KIF13A: variants seen among roughly 807,000 people sequenced by gnomAD.
KIF13A encodes the protein kinesin-like protein KIF13A.
Under a neutral mutation model 212.2 loss-of-function variants are expected in KIF13A, and 79 were observed. The ratio of observed to expected loss-of-function variants is 0.37; its 90% CI spans 0.31 to 0.45. The LOEUF (loss-of-function observed/expected upper bound fraction) is 0.45, where lower values mean the gene tolerates loss of function less well. Among genes scored for constraint, KIF13A ranks in the 20% least tolerant of loss-of-function variants. KIF13A has a pLI of 1.00. For synonymous variants in KIF13A, 789 were observed against 808.6 expected, an observed-to-expected ratio of 0.98 and a Z score of 0.41; for missense variants, 1,901 against 2,209.0, an observed-to-expected ratio of 0.86 and a Z score of 2.79.
intron 2 of KIF13A, among the ~76,000 whole-genome samples, chr6:17,980,382 CAAG>C (rs758431837): frequency 3.9e-5 from 6 of 152,094 alleles, no homozygotes; most frequent in African/African-American, 1.2e-4. Flanking sequence ...GGCAGGAAAC[CAAG>C]AAGAAGGGAA....
rs1331148194 is a variant in KIF13A, at chr6:17,769,452, C to T, written c.4581+1662G>A. Among the ~76,000 whole-genome samples the T allele has an allele frequency of 6.6e-6, 1 of 152,136 alleles. No individual in the cohort carries two copies. Among genetic ancestry groups the T allele is most frequent in the Non-Finnish European group, 1.5e-5 (1 of 68,034 alleles). On this transcript the variant is annotated intron_variant, in intron 38 of 38. Transcript: ENST00000259711. The surrounding 1 kb of genome is among the most constrained non-coding windows in gnomAD (Gnocchi z 5.8). ...TGCATTCAGTCACAGAGTCTAACTG[C>T]TGCTTGAGACTTCCTGGGTCAAGAG...
Position 17,911,396 on chromosome 6 carries a change from T to G in KIF13A, c.147-13216A>C, listed in dbSNP as rs527625933. Among the ~76,000 whole-genome samples, 11 of 152,344 alleles carry G rather than the reference T, an allele frequency of 7.2e-5. No individual in the cohort carries two copies. The East Asian group carries it at 1.7e-3, about 24-fold the overall frequency. On this transcript the variant is annotated intron_variant, in intron 2 of 38. Transcript: ENST00000259711. Reference sequence around the variant, plus strand: ...GGACTCAGTCAACCTATCAGTGAGTTACCAACCTCTCCTGATATCAGGTTC... The same window carrying G: ...GGACTCAGTCAACCTATCAGTGAGTGACCAACCTCTCCTGATATCAGGTTC...
rs1779766093 is a variant in KIF13A, at chr6:17,971,050, A to AAAAG, written c.146+16003_146+16004insCTTT. ...AATACATCAAAATACAAAAACAAAG[A>AAAAG]TGTAGGCTACCACTCAAAAAATTCA... is the stretch of plus-strand genomic sequence containing the variant. On this transcript the variant is annotated intron_variant, in intron 2 of 38. Coordinates refer to ENST00000259711, the MANE Select transcript of KIF13A (RefSeq NM_022113.6). The surrounding 1 kb of genome is among the most constrained non-coding windows in gnomAD (Gnocchi z 4.2). Among the ~76,000 whole-genome samples the AAAAG allele has an allele frequency of 6.6e-6, 1 of 152,226 alleles. No individual in the cohort carries two copies. Among genetic ancestry groups the AAAAG allele is most frequent in the South Asian group, 2.1e-4 (1 of 4,834 alleles).
chr6:17,764,138 G>T lies in KIF13A; in HGVS notation c.5390C>A (p.Ala1797Glu). The change falls in exon 39 of 39, where the codon GCA (alanine) becomes GAA (glutamate). Residue 1797 changes from alanine (A) to glutamate (E), a missense_variant. By Grantham distance (107) the Ala-to-Glu change is moderately radical (BLOSUM62 -1). Transcript: ENST00000259711. The surrounding 1 kb of genome is among the most constrained non-coding windows in gnomAD (Gnocchi z 5.1). Reference sequence around the variant, plus strand: ...TTGACAGCACAGAACCCAAAAGGCTGCCTCTGGAATTATTACCTGGTCATT... The same window carrying T: ...TTGACAGCACAGAACCCAAAAGGCTTCCTCTGGAATTATTACCTGGTCATT... Reference protein sequence around the residue: ...LENDQVIIPEAAFWVLCCQ With the variant: ...LENDQVIIPEEAFWVLCCQ 6.2e-7 allele frequency: 1 copy of T among 1,614,014 alleles called. No homozygotes were observed. Among genetic ancestry groups the T allele is most frequent in the East Asian group, 2.2e-5 (1 of 44,890 alleles).
chr6:17,925,721 A>T (rs1266868834), intron 2 of KIF13A, among the ~76,000 whole-genome samples: 1 of 152,214 alleles, frequency 6.6e-6, no homozygotes, highest in Non-Finnish European at 1.5e-5. Context: ...CTCAACACTT[A>T]ATAAAGAACA....
In KIF13A at chr6:17,839,394, C is replaced by G. The variant is rs1415058557; in HGVS notation, c.831-1811G>C. Among the ~76,000 whole-genome samples, 1 of 152,208 alleles carries G rather than the reference C, an allele frequency of 6.6e-6. No individual in the cohort carries two copies. The highest frequency in any genetic ancestry group is 1.5e-5 in the Non-Finnish European group (1 of 68,038). On this transcript the variant is annotated intron_variant, in intron 9 of 38. Coordinates refer to ENST00000259711, the MANE Select transcript of KIF13A (RefSeq NM_022113.6). The surrounding 1 kb of genome is among the most constrained non-coding windows in gnomAD (Gnocchi z 4.3). ...AAAAGTCAAAATGTGGAAACGACCA[C>G]ATGCCCATCAAATGATGAAGTGATG...
rs1761376053 is a variant in KIF13A at position 17,789,743 on chromosome 6, A to C, written c.3261+129T>G. 1 of 667,936 alleles carries C rather than the reference A, an allele frequency of 1.5e-6. No homozygotes were observed. The highest frequency in any genetic ancestry group is 2.6e-6 in the Non-Finnish European group (1 of 386,166). 41.4% of individuals were successfully genotyped at this position (667,936 alleles called of 1,614,324 possible). A position where few individuals can be genotyped will look rare whatever the true frequency, so the allele number is the denominator to read the frequency against. Reference sequence around the variant, plus strand: ...GTTTGAATACATATAAAGCAAATCAAAAGCAAGTGAAAAACTGCATATTCT... The same window carrying C: ...GTTTGAATACATATAAAGCAAATCACAAGCAAGTGAAAAACTGCATATTCT... On this transcript the variant is annotated intron_variant, in intron 26 of 38. Transcript: ENST00000259711. The surrounding 1 kb of genome is among the most constrained non-coding windows in gnomAD (Gnocchi z 4.8).
At chr6:17,956,450 G>C (rs976883366) in intron 2 of KIF13A, among the ~76,000 whole-genome samples, 4 of 152,182 alleles carry the variant, frequency 2.6e-5, no homozygotes, top group Non-Finnish European at 4.4e-5. Flanking sequence ...TTTGTGCCTA[G>C]CACTGCAAAA....
intron 18 of KIF13A, among the ~76,000 whole-genome samples, chr6:17,806,057 C>T (rs1762918647): frequency 6.6e-6 from 1 of 151,918 alleles, no homozygotes; most frequent in Admixed American, 6.6e-5. Context: ...GTAGCTGGGA[C>T]TATAGGCACA....
intron 16 of KIF13A, among the ~76,000 whole-genome samples, chr6:17,824,096 T>C (rs1330202242): frequency 2.6e-5 from 4 of 151,778 alleles, no homozygotes; most frequent in Admixed American, 1.3e-4. Flanking sequence ...TTTGGAGATA[T>C]GGGGTTTTGC....
At position 17,772,115 on chromosome 6, in the gene KIF13A, T is replaced by C. The variant is rs567878919; in HGVS notation, c.4325-56A>G. 2.2e-5 allele frequency: 34 copies of C among 1,516,802 alleles called. No individual in the cohort carries two copies. The Admixed American group carries it at 2.7e-4, about 12-fold the overall frequency. The allele number at this position is 1,516,802 out of a possible 1,614,324, so 94.0% of individuals were successfully genotyped here. On this transcript the variant is annotated intron_variant, in intron 36 of 38. Coordinates refer to ENST00000259711, the MANE Select transcript of KIF13A (RefSeq NM_022113.6). The surrounding 1 kb of genome is among the most constrained non-coding windows in gnomAD (Gnocchi z 4.8). Reference sequence around the variant, plus strand: ...GATGCTGAACACTTTAAGCAAAACATAGGAACTGAGACAATGACCCAGCCA... The same window carrying C: ...GATGCTGAACACTTTAAGCAAAACACAGGAACTGAGACAATGACCCAGCCA...
intron 4 of KIF13A, among the ~76,000 whole-genome samples, chr6:17,868,827 T>C (rs1581583893): frequency 6.6e-6 from 1 of 150,708 alleles, no homozygotes; most frequent in Non-Finnish European, 1.5e-5. Context: ...ACCCTGTCTC[T>C]ACTAAAAAAT....
intron 9 of KIF13A, among the ~76,000 whole-genome samples, chr6:17,845,015 T>C (rs1766880199): frequency 6.6e-6 from 1 of 152,212 alleles, no homozygotes; most frequent in African/African-American, 2.4e-5. Flanking sequence ...GACTGGGTAA[T>C]TTTTAAAGAA....
At chr6:17,851,073 C>T (rs1358900559) in intron 7 of KIF13A, among the ~76,000 whole-genome samples, 1 of 152,216 alleles carries the variant, frequency 6.6e-6, no homozygotes, top group Non-Finnish European at 1.5e-5. Context: ...TAGTAAGTGA[C>T]AGGATAACAT....
chr6:17,897,536 G>A lies in KIF13A; in HGVS notation c.159+632C>T, dbSNP rs948924508. ...CTCCTCTAACTATTCTCTAACTTCTGGCCTTCTCACTGGTAAAAATGCCAT... is the reference window on the plus strand; with the variant it reads ...CTCCTCTAACTATTCTCTAACTTCTAGCCTTCTCACTGGTAAAAATGCCAT... On this transcript the variant is annotated intron_variant, in intron 3 of 38. Transcript: ENST00000259711. The surrounding 1 kb of genome is among the most constrained non-coding windows in gnomAD (Gnocchi z 4.8). 2.0e-5 allele frequency among the ~76,000 whole-genome samples: 3 copies of A among 152,076 alleles called. No homozygotes were observed. Among genetic ancestry groups the A allele is most frequent in the Non-Finnish European group, 2.9e-5 (2 of 68,036 alleles).
Position 17,771,096 on chromosome 6 carries a change from A to G in KIF13A, c.4581+18T>C. 6.4e-7 allele frequency: 1 copy of G among 1,552,280 alleles called. No individual in the cohort carries two copies. The highest frequency in any genetic ancestry group is 1.4e-5 in the African/African-American group (1 of 73,888). On this transcript the variant is annotated intron_variant, in intron 38 of 38. Coordinates refer to ENST00000259711, the MANE Select transcript of KIF13A (RefSeq NM_022113.6). The surrounding 1 kb of genome is among the most constrained non-coding windows in gnomAD (Gnocchi z 5.4). ...ACCCACCACCAGGCAATATGACAGA[A>G]ATGGTTCCGGAACTTACAATCTTCT...
At chr6:17,905,363 GA>G (rs1364552861) in intron 2 of KIF13A, among the ~76,000 whole-genome samples, 1 of 152,162 alleles carries the variant, frequency 6.6e-6, no homozygotes, top group African/African-American at 2.4e-5. Context: ...CTGACATCCG[GA>G]AGCTTAAAAC....
Position 17,850,305 on chromosome 6 carries a change from T to C in KIF13A, c.717+18A>G. On this transcript the variant is annotated intron_variant, in intron 8 of 38. Transcript: ENST00000259711. The surrounding 1 kb of genome is among the most constrained non-coding windows in gnomAD (Gnocchi z 6.2). ...TTCTTCCACCCCCACTCCAAAAAGG[T>C]TCTGCCTAATCCCTTACCCCAGACT... 6.3e-7 allele frequency: 1 copy of C among 1,593,176 alleles called. No homozygotes were observed. Among genetic ancestry groups the C allele is most frequent in the Non-Finnish European group, 8.6e-7 (1 of 1,167,692 alleles).
At chr6:17,966,443 A>ATT (rs543132119) in intron 2 of KIF13A, among the ~76,000 whole-genome samples, 16 of 116,062 alleles carry the variant, frequency 1.4e-4, no homozygotes, top group Non-Finnish European at 2.4e-4. Flanking sequence ...AAGACTCTGA[A>ATT]TTTTTTTTTT....
Sources: gnomAD v4.1 joint callset for allele counts (sites outside exome capture counted in the v4.1 genomes callset) on GRCh38, gnomAD v4.1.1 for gene constraint, Gnocchi (gnomAD v3.1) non-coding constraint, MANE v1.5 for transcripts, NCBI Gene and HGNC (gene_info 2026-07-23, HGNC 2026-07-21) for gene names.